The following RPS6KC1 variants were observed in gnomAD, a reference collection of about 807,000 sequenced individuals.
RPS6KC1 encodes the protein ribosomal protein S6 kinase C1, also known as inactive ribosomal protein S6 kinase delta-1.
A neutral mutation model predicts 103.8 loss-of-function variants in RPS6KC1; 54 were observed. That is an observed-to-expected ratio of 0.52 (90% CI 0.42 to 0.65). RPS6KC1 has a LOEUF of 0.65. Among genes scored for constraint, RPS6KC1 ranks in the 30% least tolerant of loss-of-function variants. The probability of loss-of-function intolerance (pLI) is 0.00; values close to 1 mark genes in which losing one functional copy is unlikely to be tolerated. For synonymous variants in RPS6KC1, 439 were observed against 438.7 expected, an observed-to-expected ratio of 1.00 and a Z score of -0.01; for missense variants, 1,151 against 1,253.8, an observed-to-expected ratio of 0.92 and a Z score of 1.24.
the RPS6KC1 span, among the ~76,000 whole-genome samples, chr1:213,574,294 C>G: frequency 1.3e-5 from 2 of 152,122 alleles, no homozygotes; most frequent in Non-Finnish European, 2.9e-5. Context: ...CTTCCAAACT[C>G]TGATATCAGT....
the RPS6KC1 span, among the ~76,000 whole-genome samples, chr1:213,427,606 AATT>A: frequency 1.3e-5 from 2 of 151,956 alleles, no homozygotes; most frequent in Non-Finnish European, 2.9e-5. Context: ...AATCGTTTTG[AATT>A]ATTATATGCA....
At chr1:213,716,426 C>T in the RPS6KC1 span, among the ~76,000 whole-genome samples, 2 of 152,188 alleles carry the variant, frequency 1.3e-5, no homozygotes, top group African/African-American at 2.4e-5. Flanking sequence ...CTTAACTGAT[C>T]CCCTTTCCTC....
At chr1:213,376,627 A>G in the RPS6KC1 span, among the ~76,000 whole-genome samples, 1 of 151,918 alleles carries the variant, frequency 6.6e-6, no homozygotes, top group African/African-American at 2.4e-5. Context: ...TTCCCTTTCT[A>G]TCCTTCTCTA....
the RPS6KC1 span, among the ~76,000 whole-genome samples, chr1:213,566,437 G>GTTTTTTTTTTTT: frequency 1.4e-4 from 7 of 48,514 alleles, no homozygotes; most frequent in East Asian, 9.2e-4. Context: ...TCAGCCTTTA[G>GTTTTTTTTTTTT]TTTTTTTTTT....
intron 6 of RPS6KC1, among the ~76,000 whole-genome samples, chr1:213,145,614 C>T (rs966633551): frequency 1.1e-4 from 17 of 152,162 alleles, no homozygotes; most frequent in African/African-American, 4.1e-4. Context: ...TCTCAGAAAC[C>T]TCAATCATGT....
intron 1 of RPS6KC1, among the ~76,000 whole-genome samples, chr1:213,060,849 A>G (rs770088004): frequency 6.6e-6 from 1 of 152,212 alleles, no homozygotes; most frequent in African/African-American, 2.4e-5. Flanking sequence ...TTAATAATCT[A>G]GAAAGCCACA....
At chr1:213,369,132 A>G in the RPS6KC1 span, among the ~76,000 whole-genome samples, 8,604 of 152,236 alleles carry the variant, frequency 0.057, 801 homozygotes, top group African/African-American at 0.2. Context: ...TGTCATGCTG[A>G]GGAGTCAGTA....
At chr1:213,310,893 T>G in the RPS6KC1 span, among the ~76,000 whole-genome samples, 5 of 152,182 alleles carry the variant, frequency 3.3e-5, no homozygotes, top group African/African-American at 9.7e-5. Context: ...GGGCACTGCA[T>G]GGATCCATCC....
chr1:213,603,881 A>G, the RPS6KC1 span, among the ~76,000 whole-genome samples: 1 of 152,160 alleles, frequency 6.6e-6, no homozygotes, highest in Non-Finnish European at 1.5e-5. Flanking sequence ...AACAAAAAAA[A>G]GAGAAAAAAG....
intron 7 of RPS6KC1, among the ~76,000 whole-genome samples, chr1:213,174,543 G>T (rs538413836): frequency 6.6e-6 from 1 of 151,714 alleles, no homozygotes; most frequent in African/African-American, 2.4e-5. Context: ...GGTGGTAGGC[G>T]CCTATAATCC....
the RPS6KC1 span, among the ~76,000 whole-genome samples, chr1:213,328,543 A>ATATATATAT: frequency 2.7e-3 from 239 of 88,464 alleles, no homozygotes; most frequent in Admixed American, 4.0e-3. Flanking sequence ...TATATATATC[A>ATATATATAT]CACACACACG....
At chr1:213,213,287 G>T (rs1413339078) in intron 8 of RPS6KC1, among the ~76,000 whole-genome samples, 2 of 152,112 alleles carry the variant, frequency 1.3e-5, no homozygotes, top group Admixed American at 1.3e-4. Context: ...TTTGCATGTG[G>T]CTGTCTAGCA....
At chr1:213,102,918 T>C (rs950659203) in intron 3 of RPS6KC1, among the ~76,000 whole-genome samples, 1 of 152,254 alleles carries the variant, frequency 6.6e-6, no homozygotes, top group African/African-American at 2.4e-5. Context: ...TTTCCTGTTA[T>C]AGGCTGGGTA....
chr1:213,230,622 G>A lies in RPS6KC1; in HGVS notation c.1092+78G>A, dbSNP rs1325270878. 7 of 1,054,176 alleles carry A rather than the reference G, an allele frequency of 6.6e-6. No individual in the cohort carries two copies. In the African/African-American group the frequency reaches 9.7e-5, roughly 15 times the overall value. 65.3% of individuals were successfully genotyped at this position (1,054,176 alleles called of 1,614,324 possible). A position where few individuals can be genotyped will look rare whatever the true frequency, so the allele number is the denominator to read the frequency against. ...GACTGAGATAGGCAGGTCACCTAAG[G>A]TCAGGAGTTCGAGACTATCCTGGCC... On this transcript the variant is annotated intron_variant, in intron 9 of 14. Transcript: ENST00000366960.
chr1:213,830,458 G>T, the RPS6KC1 span, among the ~76,000 whole-genome samples: 1 of 152,132 alleles, frequency 6.6e-6, no homozygotes, highest in South Asian at 2.1e-4. Context: ...AGGTAGTCTG[G>T]CTTAGGTTTA....
chr1:213,748,798 T>C, the RPS6KC1 span, among the ~76,000 whole-genome samples: 3 of 152,260 alleles, frequency 2.0e-5, no homozygotes, highest in East Asian at 3.8e-4. Context: ...TTCAAACTGA[T>C]GTTGAACACC....
At chr1:213,216,767 G>A (rs2148724824) in intron 8 of RPS6KC1, among the ~76,000 whole-genome samples, 1 of 152,246 alleles carries the variant, frequency 6.6e-6, no homozygotes, top group East Asian at 1.9e-4. Flanking sequence ...GCTCCTGAAT[G>A]ACTACTGGGT....
the RPS6KC1 span, among the ~76,000 whole-genome samples, chr1:213,858,819 A>T: frequency 6.6e-6 from 1 of 152,314 alleles, no homozygotes; most frequent in South Asian, 2.1e-4. Flanking sequence ...AAATGCAAAC[A>T]TGCCCCCTAC....
the RPS6KC1 span, among the ~76,000 whole-genome samples, chr1:213,407,084 G>T: frequency 1.3e-5 from 2 of 152,034 alleles, no homozygotes; most frequent in Non-Finnish European, 2.9e-5. Context: ...GGTCCTACCC[G>T]GAGGCCTGAC....
Sources: allele counts gnomAD v4.1 joint callset (sites outside exome capture counted in the v4.1 genomes callset), GRCh38; gene constraint gnomAD v4.1.1; transcripts MANE v1.5; gene names NCBI Gene and HGNC (gene_info 2026-07-23, HGNC 2026-07-21).